SLC18B1: variants seen among roughly 807,000 people sequenced by gnomAD.
The protein encoded by SLC18B1 is solute carrier family 18 member B1, also known as MFS-type transporter SLC18B1.
SLC18B1 carries 62 observed loss-of-function variants against 53.9 expected under a neutral mutation model. The ratio of observed to expected loss-of-function variants is 1.15; its 90% CI spans 0.94 to 1.42. SLC18B1 has a LOEUF of 1.42. Ranked by LOEUF, SLC18B1 falls within the 40% of genes most tolerant of loss-of-function variation. The pLI is 0.00. For missense variants in SLC18B1, 598 were observed against 547.3 expected (o/e 1.09, Z -0.93); for synonymous variants, 217 against 200.9 (o/e 1.08, Z -0.68).
chr6:132,795,245 T>C (rs941257254), intron 2 of SLC18B1, among the ~76,000 whole-genome samples: 13 of 152,080 alleles, frequency 8.5e-5, no homozygotes, highest in South Asian at 4.2e-4. Context: ...ACCTTTTTTT[T>C]CCCATATTTT....
At chr6:132,793,749 C>T in intron 2 of SLC18B1, among the ~76,000 whole-genome samples, 1 of 152,210 alleles carries the variant, frequency 6.6e-6, no homozygotes, top group East Asian at 1.9e-4. Context: ...CTCTTACACC[C>T]AAACTTTGAT....
intron 4 of SLC18B1, 84 bp downstream of exon 4, chr6:132,789,680 A>T: frequency 1.1e-6 from 1 of 933,438 alleles, no homozygotes; most frequent in Non-Finnish European, 1.7e-6. Context: ...GGAACCATTG[A>T]CTTAAAGAGT....
chr6:132,776,355 T>G lies in SLC18B1; in HGVS notation c.870A>C (p.Leu290=), dbSNP rs149512313. 13 of 1,613,328 alleles carry G rather than the reference T, an allele frequency of 8.1e-6. No individual in the cohort carries two copies. In the African/African-American group the frequency reaches 1.7e-4, roughly 22 times the overall value. ...MALSYAISSP[L]FGLLSDKRPP... is the part of the protein sequence containing the mutation. The stretch of plus-strand genomic sequence containing the variant: ...GCCTTTTATCACTTAGGAGACCAAA[T>G]AGTGGTGAAGAGATGGCATAGGACA... Residue 290 remains leucine (L), a synonymous_variant, in exon 8 of 14, where the codon CTA becomes CTC. Coordinates refer to ENST00000275227, the MANE Select transcript of SLC18B1 (RefSeq NM_052831.3).
chr6:132,797,217 A>C, intron 1 of SLC18B1, 96 bp from the exon 2 acceptor site: 1 of 1,468,766 alleles, frequency 6.8e-7, no homozygotes, highest in African/African-American at 1.4e-5. Context: ...CACTCTGAAG[A>C]TATCATTTGC....
chr6:132,770,306 C>T lies in SLC18B1; in HGVS notation c.1335G>A (p.Glu445=), dbSNP rs770906851. ...RSKSQNILST[E]EERTTLLPNE... ...TAGGCAAGAGAGTAGTTCGTTCCTCCTCTGTGCTGAGGATGTTTTGAGATT... is the reference window on the plus strand; with the variant it reads ...TAGGCAAGAGAGTAGTTCGTTCCTCTTCTGTGCTGAGGATGTTTTGAGATT... The change falls in exon 14 of 14, where the codon GAG becomes GAA. Residue 445 remains glutamate, a synonymous_variant. Transcript: ENST00000275227. 5 of 1,613,838 alleles carry T rather than the reference C, an allele frequency of 3.1e-6. No individual in the cohort carries two copies. Among genetic ancestry groups the T allele is most frequent in the Middle Eastern group, 1.6e-4 (1 of 6,062 alleles).
At chr6:132,792,280 A>AAAGAAAGAAAGAAAGAAAGAAGGAAGG (rs1554223267) in intron 2 of SLC18B1, among the ~76,000 whole-genome samples, 2 of 42,698 alleles carry the variant, frequency 4.7e-5, no homozygotes, top group African/African-American at 2.5e-4. Flanking sequence ...AGAAAGAAAG[A>AAAGAAAGAAAGAAAGAAAGAAGGAAGG]AAGGAAGAAA....
intron 13 of SLC18B1, 116 bp downstream of exon 13, chr6:132,770,774 G>T: frequency 2.1e-6 from 2 of 974,610 alleles, no homozygotes; most frequent in Non-Finnish European, 1.6e-6. Flanking sequence ...CAACTGATGA[G>T]CCTCAGAGTG....
rs542052729 is a variant in SLC18B1, at chr6:132,797,533, G to A, written c.44-412C>T. 6.6e-5 allele frequency among the ~76,000 whole-genome samples: 10 copies of A among 152,314 alleles called. No homozygotes were observed. In the South Asian group the frequency reaches 1.4e-3, roughly 22 times the overall value. On this transcript the variant is annotated intron_variant, in intron 1 of 13. Transcript: ENST00000275227. The stretch of plus-strand genomic sequence containing the variant: ...GAATGGCGTGAACCCGGGAGGCGGA[G>A]CTTGCAGTGAGCCAAGATCGCACCA...
At chr6:132,770,842 A>G (rs771246075) in intron 13 of SLC18B1, 48 bp downstream of exon 13, 1 of 1,519,038 alleles carries the variant, frequency 6.6e-7, no homozygotes, top group Non-Finnish European at 9.0e-7. Flanking sequence ...TTCCACTTGC[A>G]CTGGCTAACT....
chr6:132,792,285 AAGAAAGGAAGGAAGG>A (rs1562271447), intron 2 of SLC18B1, among the ~76,000 whole-genome samples: 13 of 56,234 alleles, frequency 2.3e-4, no homozygotes, highest in South Asian at 6.4e-4. Flanking sequence ...GAAAGAAAGG[AAGAAAGGAAGGAAGG>A]AAGGAAGGAA....
chr6:132,783,882 G>T (rs755706322), intron 6 of SLC18B1, 51 bp downstream of exon 6: 3 of 1,365,044 alleles, frequency 2.2e-6, no homozygotes, highest in South Asian at 1.9e-5. Context: ...TCTTACAAAG[G>T]TATAAAAATA....
At chr6:132,787,249 T>C (rs1781400206) in intron 5 of SLC18B1, among the ~76,000 whole-genome samples, 185 bp downstream of exon 5, 1 of 152,162 alleles carries the variant, frequency 6.6e-6, no homozygotes, top group Non-Finnish European at 1.5e-5. Context: ...GAAGAGCACC[T>C]AAGTGAAACC....
rs539111087 is a variant in SLC18B1, at chr6:132,784,019, G to T, written c.572C>A (p.Ser191Tyr). 8.7e-6 allele frequency: 14 copies of T among 1,610,622 alleles called. No homozygotes were observed. Among genetic ancestry groups the T allele is most frequent in the Admixed American group, 5.1e-5 (3 of 59,362 alleles). Residue 191 changes from serine (S) to tyrosine (Y), a missense_variant, in exon 6 of 14, where the codon TCC becomes TAC. Physicochemically the swap from Ser to Tyr is moderately radical, Grantham distance 144. Coordinates refer to ENST00000275227, the MANE Select transcript of SLC18B1 (RefSeq NM_052831.3). ...GPPVGGFLYQSFGYEVPFIVL... is the reference protein window; with the variant it reads ...GPPVGGFLYQYFGYEVPFIVL... ...AATAAAAGGCACTTCATAGCCAAAG[G>T]ATTGATACAAAAAGCCACCTACAGG...
rs746312698 is a variant in SLC18B1, at chr6:132,774,221, C to A, written c.989+1G>T. 3 of 1,585,160 alleles carry A rather than the reference C, an allele frequency of 1.9e-6. No individual in the cohort carries two copies. The highest frequency in any genetic ancestry group is 2.6e-6 in the Non-Finnish European group (3 of 1,167,590). ...AACATACAGAAGAAGAAAAAAATTA[C>A]CTTTTAATATGCAAGATTGGGACAG... On this transcript the variant is annotated splice_donor_variant, in intron 9 of 13. Coordinates refer to ENST00000275227, the MANE Select transcript of SLC18B1 (RefSeq NM_052831.3). LOFTEE classifies it high-confidence loss of function.
At position 132,769,588 on chromosome 6, in the gene SLC18B1, C is replaced by G. The variant is rs1780919324; in HGVS notation, c.*682G>C. On this transcript the variant is annotated 3_prime_UTR_variant, in exon 14 of 14. Transcript: ENST00000275227. Reference sequence around the variant, plus strand: ...TTAAAGGAAATGAAAAACGTTATACCAAGTAATGTTTATAAATCCAGATCA... The same window carrying G: ...TTAAAGGAAATGAAAAACGTTATACGAAGTAATGTTTATAAATCCAGATCA... 2 of 152,206 alleles carry G rather than the reference C, an allele frequency of 1.3e-5. No homozygotes were observed. Among genetic ancestry groups the G allele is most frequent in the Non-Finnish European group, 1.5e-5 (1 of 68,008 alleles). The allele number at this position is 152,206 out of a possible 1,614,324, so 9.4% of individuals were successfully genotyped here.
Position 132,798,228 on chromosome 6 carries a change from T to A in SLC18B1, c.43+186A>T, listed in dbSNP as rs1167985934. ...AAGTCATTAGAAACCGTGACACATA[T>A]CCAATCCTGGAACTTTACCCCGTCC... On this transcript the variant is annotated intron_variant, in intron 1 of 13. Transcript: ENST00000275227. Among the ~76,000 whole-genome samples the A allele has an allele frequency of 2.0e-5, 3 of 152,234 alleles. No individual in the cohort carries two copies. The East Asian group carries it at 5.8e-4, about 29-fold the overall frequency.
chr6:132,789,419 A>AT (rs1781467205), intron 4 of SLC18B1: 1 of 180,660 alleles, frequency 5.5e-6, no homozygotes, highest in African/African-American at 2.4e-5. Flanking sequence ...GTATTCTGAT[A>AT]TTTTTTGAGT....
chr6:132,772,305 T>A, intron 10 of SLC18B1, 99 bp from the exon 11 acceptor site: 1 of 689,058 alleles, frequency 1.5e-6, no homozygotes. Context: ...AAGGATAATC[T>A]GGAAAAAAAC....
At chr6:132,788,014 A>G (rs1781425171) in intron 4 of SLC18B1, among the ~76,000 whole-genome samples, 1 of 152,062 alleles carries the variant, frequency 6.6e-6, no homozygotes, top group Non-Finnish European at 1.5e-5. Flanking sequence ...ACAAAAAATT[A>G]GCCAGGTGTG....
Sources: allele counts gnomAD v4.1 joint callset (sites outside exome capture counted in the v4.1 genomes callset), GRCh38; gene constraint gnomAD v4.1.1; transcripts MANE v1.5; gene names NCBI Gene and HGNC (gene_info 2026-07-23, HGNC 2026-07-21).